The following LRRTM4 variants were observed in gnomAD, a reference collection of about 807,000 sequenced individuals.
LRRTM4 encodes leucine-rich repeat transmembrane neuronal protein 4.
In LRRTM4, 25 loss-of-function variants were observed where a neutral mutation model predicts 47.6. The observed-to-expected ratio is 0.53, with a 90% CI of 0.38 to 0.73. The LOEUF is 0.73. Among genes scored for constraint, LRRTM4 ranks in the 30% least tolerant of loss-of-function variants. The pLI, the probability that LRRTM4 is intolerant of heterozygous loss-of-function variation, is 0.00. For synonymous variants in LRRTM4, 311 were observed against 269.5 expected (o/e 1.15, Z -1.51); for missense variants, 638 against 713.4 (o/e 0.89, Z 1.20).
chr2:77,309,931 AT>A (rs900346137), intron 3 of LRRTM4, among the ~76,000 whole-genome samples: 9 of 151,790 alleles, frequency 5.9e-5, no homozygotes, highest in African/African-American at 1.9e-4. Flanking sequence ...CAGCCACACC[AT>A]TTTTTTTAAC....
chr2:77,008,138 G>T (rs531724737), intron 3 of LRRTM4, among the ~76,000 whole-genome samples: 21 of 152,206 alleles, frequency 1.4e-4, no homozygotes, highest in African/African-American at 4.3e-4. Context: ...AATGAAAAAA[G>T]AGAATAAGTA....
At chr2:77,351,012 T>A (rs866263418) in intron 3 of LRRTM4, among the ~76,000 whole-genome samples, 14 of 152,196 alleles carry the variant, frequency 9.2e-5, no homozygotes, top group African/African-American at 3.4e-4. Flanking sequence ...TATTATTTTG[T>A]CACCTAGGTA....
chr2:76,820,841 G>A (rs1205739391), intron 3 of LRRTM4, among the ~76,000 whole-genome samples: 4 of 151,744 alleles, frequency 2.6e-5, no homozygotes, highest in African/African-American at 9.7e-5. Flanking sequence ...AAATCATTGA[G>A]GCGCAAAAGT....
chr2:76,885,462 CTTT>C (rs775279021), intron 3 of LRRTM4, among the ~76,000 whole-genome samples: 5 of 135,588 alleles, frequency 3.7e-5, no homozygotes, highest in Non-Finnish European at 6.4e-5. Context: ...CAAAAACATG[CTTT>C]TTTTTTTTTT....
intron 3 of LRRTM4, among the ~76,000 whole-genome samples, chr2:77,385,000 G>A (rs1673208502): frequency 6.6e-6 from 1 of 152,030 alleles, no homozygotes. Context: ...CCGGAGTTAT[G>A]TTAATTCTCT....
chr2:77,059,948 GTTCT>G (rs1679732357), intron 3 of LRRTM4, among the ~76,000 whole-genome samples: 1 of 152,144 alleles, frequency 6.6e-6, no homozygotes, highest in Non-Finnish European at 1.5e-5. Context: ...TCAAAACAAT[GTTCT>G]TTGTTTTTTG....
chr2:76,931,212 G>A (rs1240198185), intron 3 of LRRTM4, among the ~76,000 whole-genome samples: 1 of 152,036 alleles, frequency 6.6e-6, no homozygotes, highest in Non-Finnish European at 1.5e-5. Context: ...TGATATATCT[G>A]ATTTCCATCA....
At chr2:77,310,281 T>C (rs1677415648) in intron 3 of LRRTM4, among the ~76,000 whole-genome samples, 1 of 152,116 alleles carries the variant, frequency 6.6e-6, no homozygotes, top group Non-Finnish European at 1.5e-5. Flanking sequence ...TTATCTGTTT[T>C]TAAAATTTAT....
intron 3 of LRRTM4, among the ~76,000 whole-genome samples, chr2:76,842,502 T>C (rs1234664808): frequency 3.9e-5 from 6 of 152,172 alleles, no homozygotes; most frequent in Admixed American, 2.6e-4. Flanking sequence ...ACCTAACCTA[T>C]GGAACAGCAT....
rs201398024 is a variant in LRRTM4 at position 76,919,966 on chromosome 2, AT to A, written c.1552-171051del. On this transcript the variant is annotated intron_variant, in intron 3 of 3. Coordinates refer to ENST00000409884, the MANE Select transcript of LRRTM4 (RefSeq NM_001134745.3). ...AAGACATTCTCATAATCTTTTACTC[AT>A]TTTTTTTTGAAATGCTATTTACTTC... is the stretch of plus-strand genomic sequence containing the variant. Among the ~76,000 whole-genome samples the A allele has an allele frequency of 8.4e-3, 1,262 of 150,564 alleles. 15 individuals carry two copies. Among genetic ancestry groups the A allele is most frequent in the African/African-American group, 0.03 (1,220 of 41,052 alleles).
intron 3 of LRRTM4, among the ~76,000 whole-genome samples, chr2:77,367,211 C>T (rs1202150126): frequency 6.6e-6 from 1 of 151,556 alleles, no homozygotes; most frequent in Non-Finnish European, 1.5e-5. Flanking sequence ...TCCTATCCTC[C>T]TAACCTCTGT....
At chr2:76,901,538 A>G (rs989093846) in intron 3 of LRRTM4, among the ~76,000 whole-genome samples, 2 of 151,988 alleles carry the variant, frequency 1.3e-5, no homozygotes, top group Admixed American at 6.6e-5. Context: ...TTTGCTGACC[A>G]TGGAAGGCTC....
At chr2:76,843,314 T>C (rs1327405462) in intron 3 of LRRTM4, among the ~76,000 whole-genome samples, 1 of 152,186 alleles carries the variant, frequency 6.6e-6, no homozygotes, top group African/African-American at 2.4e-5. Context: ...ATTAAATGTA[T>C]ATTCCAAAAA....
At chr2:76,789,176 A>G (rs192051295) in intron 3 of LRRTM4, among the ~76,000 whole-genome samples, 1 of 152,322 alleles carries the variant, frequency 6.6e-6, no homozygotes, top group Admixed American at 6.5e-5. Flanking sequence ...TGGGGTTGCC[A>G]CCACCTGGAA....
At chr2:77,347,234 T>A (rs1671596911) in intron 3 of LRRTM4, among the ~76,000 whole-genome samples, 1 of 152,196 alleles carries the variant, frequency 6.6e-6, no homozygotes, top group African/African-American at 2.4e-5. Context: ...CCAGGAGCTG[T>A]GATAGCTTCA....
At chr2:77,035,337 A>G (rs1678798558) in intron 3 of LRRTM4, among the ~76,000 whole-genome samples, 1 of 151,946 alleles carries the variant, frequency 6.6e-6, no homozygotes, top group South Asian at 2.1e-4. Flanking sequence ...CGATGATAAT[A>G]TCTTGCAAAA....
At chr2:76,869,980 T>C (rs1303317272) in intron 3 of LRRTM4, among the ~76,000 whole-genome samples, 2 of 152,116 alleles carry the variant, frequency 1.3e-5, no homozygotes, top group Non-Finnish European at 2.9e-5. Flanking sequence ...CACTACAACA[T>C]AAACATAAAG....
intron 3 of LRRTM4, among the ~76,000 whole-genome samples, chr2:77,012,342 G>T (rs967955916): frequency 6.6e-6 from 1 of 151,990 alleles, no homozygotes; most frequent in Non-Finnish European, 1.5e-5. Context: ...TGAAACGGAT[G>T]TTCTAGTAAA....
At chr2:77,419,722 G>A (rs17014072) in intron 3 of LRRTM4, among the ~76,000 whole-genome samples, 5,264 of 152,010 alleles carry the variant, frequency 0.035, 224 homozygotes, top group East Asian at 0.15. Flanking sequence ...ACTTTGCACA[G>A]TACCTAGTAT....
Sources: gnomAD v4.1 joint callset for allele counts (sites outside exome capture counted in the v4.1 genomes callset) on GRCh38, gnomAD v4.1.1 for gene constraint, MANE v1.5 for transcripts, NCBI Gene and HGNC (gene_info 2026-07-23, HGNC 2026-07-21) for gene names.